DENND5B: variants seen among roughly 807,000 people sequenced by gnomAD.
DENND5B encodes DENN domain containing 5B, also known as DENN domain-containing protein 5B.
DENND5B carries 34 observed loss-of-function variants against 140.6 expected under a neutral mutation model. The ratio of observed to expected loss-of-function variants is 0.24; its 90% confidence interval spans 0.18 to 0.32. The LOEUF (loss-of-function observed/expected upper bound fraction) is 0.32. DENND5B is among the 10% of genes least tolerant of loss of function. The pLI is 1.00. For missense variants in DENND5B, 1,142 were observed against 1,560.2 expected, an observed-to-expected ratio of 0.73 and a Z score of 4.52; for synonymous variants, 551 against 562.1, an observed-to-expected ratio of 0.98 and a Z score of 0.28.
intron 2 of DENND5B, among the ~76,000 whole-genome samples, chr12:31,482,520 G>A (rs1946106134): frequency 6.6e-6 from 1 of 151,718 alleles, no homozygotes; most frequent in African/African-American, 2.4e-5. Flanking sequence ...CAATCCATCA[G>A]CAAATATTAT....
At chr12:31,438,456 TTTATA>T (rs1320025635) in intron 7 of DENND5B, among the ~76,000 whole-genome samples, 1 of 152,068 alleles carries the variant, frequency 6.6e-6, no homozygotes, top group Non-Finnish European at 1.5e-5. Flanking sequence ...AGGTTTATGG[TTTATA>T]TAAGGGAAAA....
chr12:31,535,065 C>A (rs1411655906), intron 1 of DENND5B: 3 of 137,406 alleles, frequency 2.2e-5, no homozygotes, highest in South Asian at 9.3e-5. Flanking sequence ...CAGAGCAAGA[C>A]TCTGTCTCAA....
intron 7 of DENND5B, among the ~76,000 whole-genome samples, chr12:31,438,033 G>A (rs186714072): frequency 2.0e-5 from 3 of 152,162 alleles, no homozygotes; most frequent in Admixed American, 1.3e-4. Context: ...CCAAGCTGGA[G>A]TGCAGTGGCT....
chr12:31,405,433 G>A (rs1211283855), intron 14 of DENND5B, among the ~76,000 whole-genome samples: 1 of 151,120 alleles, frequency 6.6e-6, no homozygotes, highest in Non-Finnish European at 1.5e-5. Context: ...GCCCAGGCTG[G>A]TCTCAAACTC....
intron 11 of DENND5B, among the ~76,000 whole-genome samples, chr12:31,418,088 T>G (rs1379197859): frequency 6.6e-6 from 1 of 152,148 alleles, no homozygotes; most frequent in Non-Finnish European, 1.5e-5. Flanking sequence ...CTAAAAGCAC[T>G]ACTTTCAAGG....
chr12:31,506,116 G>A (rs926091070), intron 1 of DENND5B, among the ~76,000 whole-genome samples: 2 of 152,146 alleles, frequency 1.3e-5, no homozygotes, highest in Admixed American at 6.5e-5. Flanking sequence ...TTACAGGCAT[G>A]AGCCACCTTG....
chr12:31,428,171 T>C (rs1943333041), intron 8 of DENND5B, among the ~76,000 whole-genome samples: 1 of 152,002 alleles, frequency 6.6e-6, no homozygotes, highest in African/African-American at 2.4e-5. Flanking sequence ...CTGGCCAACA[T>C]GGTGAAACGC....
At chr12:31,506,662 C>G (rs1386531249) in intron 1 of DENND5B, among the ~76,000 whole-genome samples, 1 of 152,138 alleles carries the variant, frequency 6.6e-6, no homozygotes, top group Non-Finnish European at 1.5e-5. Context: ...TTCCACAAGT[C>G]CCTCAGGTAC....
rs545996101 is a variant in DENND5B, at chr12:31,435,949, A to G, written c.2013-2701T>C. On this transcript the variant is annotated intron_variant, in intron 7 of 20. Transcript: ENST00000389082. The stretch of plus-strand genomic sequence containing the variant: ...GTAGGTGGGATTACAGGTGCAAGCC[A>G]CCAATGCTCAGCTAATTTTTGTATT... Among the ~76,000 whole-genome samples the G allele has an allele frequency of 2.0e-5, 3 of 152,150 alleles. No individual in the cohort carries two copies. In the South Asian group the frequency reaches 6.2e-4, roughly 32 times the overall value.
chr12:31,507,248 C>T (rs1008688132), intron 1 of DENND5B, among the ~76,000 whole-genome samples: 1 of 152,086 alleles, frequency 6.6e-6, no homozygotes, highest in Non-Finnish European at 1.5e-5. Context: ...CTCAAACTCC[C>T]GCCTCAGCCT....
At chr12:31,548,950 C>T (rs1170937011) in intron 1 of DENND5B, among the ~76,000 whole-genome samples, 1 of 152,064 alleles carries the variant, frequency 6.6e-6, no homozygotes, top group Non-Finnish European at 1.5e-5. Context: ...GGCTGGGGTG[C>T]AGTGGTACGA....
At chr12:31,526,123 GTC>G (rs1948076257) in intron 1 of DENND5B, among the ~76,000 whole-genome samples, 1 of 152,116 alleles carries the variant, frequency 6.6e-6, no homozygotes, top group African/African-American at 2.4e-5. Context: ...TGTTATTACA[GTC>G]TGTTAGTTAT....
At chr12:31,415,761 A>T (rs1942703965) in intron 11 of DENND5B, among the ~76,000 whole-genome samples, 2 of 151,314 alleles carry the variant, frequency 1.3e-5, no homozygotes, top group African/African-American at 4.9e-5. Flanking sequence ...TCATTTTTAA[A>T]ATTTTTTGTA....
intron 1 of DENND5B, among the ~76,000 whole-genome samples, chr12:31,562,563 G>A (rs1045300017): frequency 6.6e-6 from 1 of 151,866 alleles, no homozygotes; most frequent in Non-Finnish European, 1.5e-5. Context: ...GCGGTGAGCC[G>A]AGATCGCACC....
chr12:31,394,297 A>ACC (rs201928846), intron 17 of DENND5B, among the ~76,000 whole-genome samples: 1 of 96,946 alleles, frequency 1.0e-5, no homozygotes, highest in African/African-American at 4.0e-5. Flanking sequence ...GTGAGAAAAT[A>ACC]CCGTTATCCA....
intron 3 of DENND5B, among the ~76,000 whole-genome samples, chr12:31,473,682 T>A (rs1945661041): frequency 6.6e-6 from 1 of 152,170 alleles, no homozygotes; most frequent in African/African-American, 2.4e-5. Flanking sequence ...TGGATATTGA[T>A]TTAAAGTGCC....
At chr12:31,538,705 A>T (rs1948586010) in intron 1 of DENND5B, among the ~76,000 whole-genome samples, 1 of 152,072 alleles carries the variant, frequency 6.6e-6, no homozygotes, top group African/African-American at 2.4e-5. Flanking sequence ...CATCTCTACT[A>T]AAAATACAAA....
intron 17 of DENND5B, among the ~76,000 whole-genome samples, chr12:31,394,122 T>C (rs1167307729): frequency 6.6e-6 from 1 of 152,168 alleles, no homozygotes; most frequent in Non-Finnish European, 1.5e-5. Context: ...TACCCAGTAG[T>C]TTTTGTTTGT....
At chr12:31,410,393 A>ATTAT (rs959844507) in intron 13 of DENND5B, among the ~76,000 whole-genome samples, 71 of 152,044 alleles carry the variant, frequency 4.7e-4, no homozygotes, top group Admixed American at 1.4e-3. Context: ...GTGCCTTTTT[A>ATTAT]TTATTTATTT....
Sources: gnomAD v4.1 joint callset for allele counts (sites outside exome capture counted in the v4.1 genomes callset) on GRCh38, gnomAD v4.1.1 for gene constraint, MANE v1.5 for transcripts, NCBI Gene and HGNC (gene_info 2026-07-23, HGNC 2026-07-21) for gene names.